Variants in ABLIM1 observed in about 807,000 individuals in gnomAD.
The protein encoded by ABLIM1 is actin-binding LIM protein 1.
Under a neutral mutation model 107.0 loss-of-function variants are expected in ABLIM1, and 40 were observed. The observed-to-expected ratio is 0.37, with a 90% CI of 0.29 to 0.49. The LOEUF is 0.49. ABLIM1 is among the 20% of genes least tolerant of loss of function. The probability of loss-of-function intolerance (pLI) is 0.97; values close to 1 mark genes in which losing one functional copy is unlikely to be tolerated. For synonymous variants in ABLIM1, 357 were observed against 357.3 expected (o/e 1.00, Z 0.01); for missense variants, 857 against 1,008.5 (o/e 0.85, Z 2.04).
chr10:114,455,574 T>C (rs1230054289), intron 12 of ABLIM1, among the ~76,000 whole-genome samples: 2 of 152,176 alleles, frequency 1.3e-5, no homozygotes, highest in East Asian at 3.9e-4. Flanking sequence ...GAATTAAAAC[T>C]TGGTCTCATT....
the ABLIM1 span, among the ~76,000 whole-genome samples, chr10:114,783,172 C>T: frequency 6.6e-6 from 1 of 151,936 alleles, no homozygotes; most frequent in Non-Finnish European, 1.5e-5. Context: ...ATCCCAGCTA[C>T]TTGGAAGGCT....
At chr10:114,691,163 G>A (rs1431785945) in intron 1 of ABLIM1, among the ~76,000 whole-genome samples, 1 of 152,134 alleles carries the variant, frequency 6.6e-6, no homozygotes, top group Non-Finnish European at 1.5e-5. Context: ...ATGCAGAAGA[G>A]CACAGATTTG....
the ABLIM1 span, among the ~76,000 whole-genome samples, chr10:114,789,541 C>T: frequency 6.6e-6 from 1 of 152,132 alleles, no homozygotes; most frequent in Non-Finnish European, 1.5e-5. Flanking sequence ...TACACTCCCA[C>T]CAGAAGTGTA....
At chr10:114,542,410 TA>T (rs1186576100) in intron 6 of ABLIM1, among the ~76,000 whole-genome samples, 671 of 49,362 alleles carry the variant, frequency 0.014, 4 homozygotes, top group African/African-American at 0.034. Context: ...ACCTTGTCTC[TA>T]AAAAAAAAAA....
At chr10:114,659,980 A>G (rs535101300), upstream of ABLIM1, among the ~76,000 whole-genome samples, 1 of 152,304 alleles carries the variant, frequency 6.6e-6, no homozygotes, top group South Asian at 2.1e-4. Flanking sequence ...CAATTCAAGA[A>G]CCTGAGAATT....
At chr10:114,675,364 A>G (rs2080434840) in intron 1 of ABLIM1, among the ~76,000 whole-genome samples, 1 of 152,130 alleles carries the variant, frequency 6.6e-6, no homozygotes, top group South Asian at 2.1e-4. Context: ...GGTCTTTTCC[A>G]TGCTATTCTT....
intron 8 of ABLIM1, among the ~76,000 whole-genome samples, chr10:114,476,914 C>T (rs557811286): frequency 6.6e-6 from 1 of 152,154 alleles, no homozygotes; most frequent in South Asian, 2.1e-4. Context: ...ATATCGATGG[C>T]AACGAATGTC....
At chr10:114,771,715 G>A (rs2083027007), upstream of ABLIM1, among the ~76,000 whole-genome samples, 1 of 152,066 alleles carries the variant, frequency 6.6e-6, no homozygotes, top group Admixed American at 6.6e-5. Context: ...TAAAGTGCAA[G>A]GAATTTTAGG....
chr10:114,561,434 T>A (rs915057198), intron 4 of ABLIM1, among the ~76,000 whole-genome samples: 1 of 152,222 alleles, frequency 6.6e-6, no homozygotes, highest in Non-Finnish European at 1.5e-5. Flanking sequence ...GAACATTATT[T>A]TATTTTTAAT....
intron 1 of ABLIM1, among the ~76,000 whole-genome samples, chr10:114,698,408 TA>T (rs34629916): frequency 0.1 from 11,737 of 116,776 alleles, 460 homozygotes; most frequent in African/African-American, 0.13. Flanking sequence ...ATTAAAAATG[TA>T]AAAAAAAAAA....
intron 1 of ABLIM1, among the ~76,000 whole-genome samples, chr10:114,704,335 T>TATATATCTATCTCACG (rs3061769): frequency 3.6e-5 from 3 of 83,380 alleles, no homozygotes; most frequent in Non-Finnish European, 7.6e-5. Flanking sequence ...TATATATATA[T>TATATATCTATCTCACG]TGCGCGCGTT....
intron 1 of ABLIM1, among the ~76,000 whole-genome samples, chr10:114,741,514 C>G (rs1363314501): frequency 1.3e-5 from 2 of 152,006 alleles, no homozygotes; most frequent in Non-Finnish European, 2.9e-5. Flanking sequence ...CGTGAGCCAC[C>G]TCGCCTGGCC....
intron 1 of ABLIM1, among the ~76,000 whole-genome samples, chr10:114,717,934 A>G (rs1249768441): frequency 1.6e-5 from 2 of 122,264 alleles, no homozygotes; most frequent in East Asian, 2.9e-4. Flanking sequence ...GAAGGGGGGG[A>G]AGGGGAGGGG....
At chr10:114,499,296 T>C (rs1328295502) in intron 6 of ABLIM1, among the ~76,000 whole-genome samples, 1 of 152,250 alleles carries the variant, frequency 6.6e-6, no homozygotes, top group African/African-American at 2.4e-5. Flanking sequence ...GATCACTAAA[T>C]GAAGTCACTT....
intron 1 of ABLIM1, among the ~76,000 whole-genome samples, chr10:114,763,976 T>G (rs1422365739): frequency 6.6e-6 from 1 of 152,170 alleles, no homozygotes; most frequent in Non-Finnish European, 1.5e-5. Context: ...GTCCTTAGAA[T>G]CACTTTTCAC....
exon 1 of ABLIM1, chr10:114,684,335 T>A (rs751247514): frequency 3.1e-6 from 5 of 1,614,048 alleles, no homozygotes; most frequent in Middle Eastern, 1.6e-4. Context: ...AGCTCAGTCA[T>A]TTCCAAGGTC....
chr10:114,782,684 C>T, the ABLIM1 span, among the ~76,000 whole-genome samples: 1 of 151,966 alleles, frequency 6.6e-6, no homozygotes, highest in Non-Finnish European at 1.5e-5. Context: ...ATTTTTACTG[C>T]TACATGGAGA....
chr10:114,622,234 C>A lies in ABLIM1; in HGVS notation c.245-20273G>T, dbSNP rs149353827. Among the ~76,000 whole-genome samples, 903 of 151,250 alleles carry A rather than the reference C, an allele frequency of 6.0e-3. 7 individuals carry two copies. The highest frequency in any genetic ancestry group is 0.021 in the African/African-American group (870 of 41,360). ...AACCTTGCCACCTTTTCCTATCATC[C>A]ACTTTTCTTTTTCTTTTTTTTTTTT... On this transcript the variant is annotated intron_variant, in intron 1 of 22. Transcript: ENST00000533213.
At chr10:114,487,659 G>A (rs2058379265) in intron 8 of ABLIM1, among the ~76,000 whole-genome samples, 3 of 152,186 alleles carry the variant, frequency 2.0e-5, no homozygotes, top group Admixed American at 6.5e-5. Context: ...CCTGGAACCT[G>A]ATGAGTCGTT....
Sources: gnomAD v4.1 joint callset for allele counts (sites outside exome capture counted in the v4.1 genomes callset) on GRCh38, gnomAD v4.1.1 for gene constraint, MANE v1.5 for transcripts, NCBI Gene and HGNC (gene_info 2026-07-23, HGNC 2026-07-21) for gene names.